The following DSG2 variants were observed in gnomAD, a reference collection of about 807,000 sequenced individuals.
DSG2 encodes desmoglein-2.
Under a neutral mutation model 75.6 loss-of-function variants are expected in DSG2, and 45 were observed. That is an observed-to-expected ratio of 0.60 (90% confidence interval 0.47 to 0.76). The LOEUF is 0.76. DSG2 is among the 30% of genes least tolerant of loss of function. DSG2 has a pLI of 0.00. For missense variants in DSG2, 1,267 were observed against 1,357.4 expected (o/e 0.93, Z 1.05); for synonymous variants, 429 against 483.9 (o/e 0.89, Z 1.49).
intron 8 of DSG2, 26 bp downstream of exon 8, chr18:31,524,914 C>T (rs545834440): frequency 2.4e-5 from 39 of 1,609,864 alleles, no homozygotes; most frequent in African/African-American, 2.4e-4. Flanking sequence ...TCAAAACTGG[C>T]GTGGGCCAAG....
intron 8 of DSG2, among the ~76,000 whole-genome samples, chr18:31,529,198 T>C (rs1486680693): frequency 3.9e-5 from 6 of 152,158 alleles, no homozygotes; most frequent in Non-Finnish European, 7.3e-5. Flanking sequence ...TACAGAGTTG[T>C]AAAAAATAGA....
intron 1 of DSG2, 92 bp downstream of exon 1, chr18:31,498,388 T>C (rs891748324): frequency 8.3e-6 from 10 of 1,210,038 alleles, no homozygotes; most frequent in African/African-American, 4.7e-5. Context: ...CCCGCCGCCC[T>C]TGTGCGCGTT....
Position 31,538,832 on chromosome 18 carries a change from T to C in DSG2, c.1733T>C (p.Phe578Ser). 6.2e-7 allele frequency: 1 copy of C among 1,614,200 alleles called. No individual in the cohort carries two copies. Among genetic ancestry groups the C allele is most frequent in the Non-Finnish European group, 8.5e-7 (1 of 1,180,022 alleles). Reference sequence around the variant, plus strand: ...TTCCTGATTTCAGACAATCAGGGTTTTAGTTGTCCTGAAAAGCAGGTCCTT... The same window carrying C: ...TTCCTGATTTCAGACAATCAGGGTTCTAGTTGTCCTGAAAAGCAGGTCCTT... ...IQFLISDNQG[F>S]SCPEKQVLTL... is the part of the protein sequence containing the mutation. Residue 578 changes from phenylalanine to serine, a missense_variant, in exon 12 of 15, where the codon TTT becomes TCT. Phe to Ser is a radical substitution (Grantham distance 155). Transcript: ENST00000261590.
rs2073265410 is a variant in DSG2, at chr18:31,541,245, T to C, written c.1932T>C (p.Phe644=). 3 of 1,614,162 alleles carry C rather than the reference T, an allele frequency of 1.9e-6. No homozygotes were observed. The highest frequency in any genetic ancestry group is 1.7e-6 in the Non-Finnish European group (2 of 1,179,970). The part of the protein sequence containing the change: ...MCHCGKGAKG[F]TPIPGTIEML... ...ATTGCGGAAAGGGCGCCAAAGGCTT[T>C]ACCCCCATACCTGGCACCATAGAGA... The change falls in exon 13 of 15, where the codon TTT becomes TTC. Residue 644 remains phenylalanine (F), a synonymous_variant. Transcript: ENST00000261590.
In DSG2 at chr18:31,498,282, C is replaced by A; in HGVS notation, c.31C>A (p.Leu11Met). Residue 11 changes from leucine (L) to methionine (M), a missense_variant, in exon 1 of 15, where the codon CTG (leucine) becomes ATG (methionine). Coordinates refer to ENST00000261590, the MANE Select transcript of DSG2 (RefSeq NM_001943.5). ...GCGGAGCCCGGGACGCGCGTACGCC[C>A]TGCTGCTTCTCCTGGTAAGTGCCGC... Reference protein sequence around the residue: MARSPGRAYALLLLLICFNVG... With the variant: MARSPGRAYAMLLLLICFNVG... 1.6e-6 allele frequency: 2 copies of A among 1,265,262 alleles called. No individual in the cohort carries two copies. Among genetic ancestry groups the A allele is most frequent in the African/African-American group, 3.1e-5 (2 of 64,974 alleles). The allele number at this position is 1,265,262 out of a possible 1,614,324, so 78.4% of individuals were successfully genotyped here.
chr18:31,507,106 G>A (rs1427285720), intron 1 of DSG2, among the ~76,000 whole-genome samples: 1 of 150,468 alleles, frequency 6.6e-6, no homozygotes. Context: ...GCCGCAGTGT[G>A]TGACGTTCCC....
chr18:31,524,805 A>G lies in DSG2; in HGVS notation c.931A>G (p.Thr311Ala), dbSNP rs756543424. ...IGSDNWLANF[T>A]FASGNEGGYF... ...TTCTGATAATTGGCTGGCAAATTTT[A>G]CATTTGCATCAGGAAATGAAGGAGG... Residue 311 changes from threonine (T) to alanine (A), a missense_variant, in exon 8 of 15, where the codon ACA becomes GCA. Thr to Ala is a moderately conservative substitution (Grantham distance 58). Transcript: ENST00000261590. 6.2e-7 allele frequency: 1 copy of G among 1,614,220 alleles called. No individual in the cohort carries two copies. The highest frequency in any genetic ancestry group is 1.1e-5 in the South Asian group (1 of 91,078).
chr18:31,521,988 A>G (rs1156925764), intron 5 of DSG2, 95 bp from the exon 6 acceptor site: 2 of 1,201,800 alleles, frequency 1.7e-6, no homozygotes, highest in Non-Finnish European at 2.4e-6. Flanking sequence ...AGCACCTGAA[A>G]TCTTTTTTGG....
At chr18:31,526,060 C>T (rs973442311) in intron 8 of DSG2, among the ~76,000 whole-genome samples, 1 of 152,174 alleles carries the variant, frequency 6.6e-6, no homozygotes, top group Non-Finnish European at 1.5e-5. Flanking sequence ...AGGAGAATCA[C>T]TTGAACCTGG....
intron 1 of DSG2, among the ~76,000 whole-genome samples, chr18:31,514,120 A>C (rs977466296): frequency 1.3e-5 from 2 of 152,200 alleles, no homozygotes; most frequent in Non-Finnish European, 2.9e-5. Flanking sequence ...GAAATGGTAA[A>C]ATCAGAATAA....
rs1377946410 is a variant in DSG2, at chr18:31,519,913, G to A, written c.192G>A (p.Leu64=). ...TGGCTCTTCGGGAGGGAGAGGATCT[G>A]TCCAAGAAGAATCCAATTGCCAAGG... ...APVALREGED[L]SKKNPIAKIH... The change falls in exon 3 of 15, where the codon CTG becomes CTA. Residue 64 remains leucine (L), a synonymous_variant. Coordinates refer to ENST00000261590, the MANE Select transcript of DSG2 (RefSeq NM_001943.5). The A allele has an allele frequency of 6.2e-7, 1 of 1,614,040 alleles. No individual in the cohort carries two copies. The highest frequency in any genetic ancestry group is 8.5e-7 in the Non-Finnish European group (1 of 1,180,040).
intron 9 of DSG2, among the ~76,000 whole-genome samples, chr18:31,532,208 A>G (rs1222354801): frequency 6.6e-6 from 1 of 152,242 alleles, no homozygotes; most frequent in Admixed American, 6.5e-5. Context: ...ACCAGCCAAC[A>G]GATTTGGTAT....
intron 9 of DSG2, among the ~76,000 whole-genome samples, chr18:31,532,907 TTTTG>T (rs78547095): frequency 0.038 from 5,736 of 150,136 alleles, 282 homozygotes; most frequent in African/African-American, 0.12. Context: ...TTGGCTGCTG[TTTTG>T]TTTGTTTGTT....
rs764487633 is a variant in DSG2, at chr18:31,531,266, A to G, written c.1280+14A>G. ...AGCCCATGCAAGGTAAGAGAGAGTG[A>G]CACGTGTATTTCTTTATTTTAAATT... is the stretch of plus-strand genomic sequence containing the variant. On this transcript the variant is annotated intron_variant, in intron 9 of 14. Coordinates refer to ENST00000261590, the MANE Select transcript of DSG2 (RefSeq NM_001943.5). 3.1e-6 allele frequency: 5 copies of G among 1,613,810 alleles called. No individual in the cohort carries two copies. Among genetic ancestry groups the G allele is most frequent in the South Asian group, 1.1e-5 (1 of 90,986 alleles).
At position 31,539,105 on chromosome 18, in the gene DSG2, G is replaced by T. The variant is rs192173154; in HGVS notation, c.1879+127G>T. The T allele has an allele frequency of 2.9e-5, 26 of 895,262 alleles. No individual in the cohort carries two copies. The African/African-American group carries it at 3.9e-4, about 14-fold the overall frequency. 55.5% of individuals were successfully genotyped at this position (895,262 alleles called of 1,614,324 possible). On this transcript the variant is annotated intron_variant, in intron 12 of 14. Transcript: ENST00000261590. ...AACCACACTAGAGCACTTTGAGGGTGAATAGGGAAACAACTGATGATTGGC... is the reference window on the plus strand; with the variant it reads ...AACCACACTAGAGCACTTTGAGGGTTAATAGGGAAACAACTGATGATTGGC...
Position 31,546,722 on chromosome 18 carries a change from TGTAC to T in DSG2, c.3337_3340del (p.Val1113SerfsTer13). ...CCACCAGAGTTACCAAGCATAGCACTGTACAGCATTCTTACTCCTAAACAGCAGT... is the reference window on the plus strand; with the variant it reads ...CCACCAGAGTTACCAAGCATAGCACTAGCATTCTTACTCCTAAACAGCAGT... On this transcript the variant is annotated frameshift_variant, in exon 15 of 15. Transcript: ENST00000261590. LOFTEE classifies it high-confidence loss of function. The T allele has an allele frequency of 1.9e-6, 3 of 1,614,200 alleles. No homozygotes were observed. Among genetic ancestry groups the T allele is most frequent in the Non-Finnish European group, 2.5e-6 (3 of 1,180,032 alleles).
Position 31,536,100 on chromosome 18 carries a change from GGTTA to G in DSG2, c.1424-99_1424-96del, listed in dbSNP as rs544593913. 2.2e-4 allele frequency: 230 copies of G among 1,048,038 alleles called. 1 individual carries two copies. The African/African-American group carries it at 3.3e-3, about 15-fold the overall frequency. 64.9% of individuals were successfully genotyped at this position (1,048,038 alleles called of 1,614,324 possible). A position where few individuals can be genotyped will look rare whatever the true frequency, so the allele number is the denominator to read the frequency against. On this transcript the variant is annotated intron_variant, in intron 10 of 14. Transcript: ENST00000261590. Reference sequence around the variant, plus strand: ...ATCTAGGATAGAAAATGTCCTAAGTGGTTAGTACCTTCTCCACTCCAAATTGGCA... The same window carrying G: ...ATCTAGGATAGAAAATGTCCTAAGTGGTACCTTCTCCACTCCAAATTGGCA...
At chr18:31,538,672 AG>A in intron 11 of DSG2, 78 bp from the exon 12 acceptor site, 1 of 1,137,664 alleles carries the variant, frequency 8.8e-7, no homozygotes, top group East Asian at 2.4e-5. Context: ...CAGCAATGAA[AG>A]AACATTTGTG....
chr18:31,526,535 G>C (rs983433389), intron 8 of DSG2, among the ~76,000 whole-genome samples: 1 of 152,168 alleles, frequency 6.6e-6, no homozygotes, highest in Non-Finnish European at 1.5e-5. Flanking sequence ...TGAAGAAATG[G>C]ATCATGTCAT....
Sources: gnomAD v4.1 joint callset for allele counts (sites outside exome capture counted in the v4.1 genomes callset) on GRCh38, gnomAD v4.1.1 for gene constraint, MANE v1.5 for transcripts, NCBI Gene and HGNC (gene_info 2026-07-23, HGNC 2026-07-21) for gene names.